Variants in CTNNA3 observed in about 807,000 individuals in gnomAD.
CTNNA3 encodes the protein catenin alpha 3, also known as catenin alpha-3.
Under a neutral mutation model 95.7 loss-of-function variants are expected in CTNNA3, and 76 were observed. The observed-to-expected ratio is 0.79, with a 90% CI of 0.66 to 0.96. The LOEUF (loss-of-function observed/expected upper bound fraction) is 0.96, where lower values mean the gene tolerates loss of function less well. Among genes scored for constraint, CTNNA3 ranks in the 40% least tolerant of loss-of-function variants. CTNNA3 has a pLI of 0.00. For missense variants in CTNNA3, 1,191 were observed against 1,089.8 expected, an observed-to-expected ratio of 1.09 and a Z score of -1.31; for synonymous variants, 431 against 374.4, an observed-to-expected ratio of 1.15 and a Z score of -1.74.
At chr10:66,394,333 G>A (rs2092957220) in intron 11 of CTNNA3, among the ~76,000 whole-genome samples, 2 of 151,892 alleles carry the variant, frequency 1.3e-5, no homozygotes, top group Non-Finnish European at 2.9e-5. Context: ...AGCTATTCTG[G>A]TGTAGGAGCT....
intron 1 of CTNNA3, among the ~76,000 whole-genome samples, chr10:67,726,353 TATATG>T (rs1470569030): frequency 3.8e-4 from 19 of 49,664 alleles, no homozygotes; most frequent in African/African-American, 1.4e-3. Flanking sequence ...ATATATGATA[TATATG>T]ATATAATATA....
At chr10:65,921,432 A>T (rs1390130865) in intron 17 of CTNNA3, among the ~76,000 whole-genome samples, 4 of 152,250 alleles carry the variant, frequency 2.6e-5, no homozygotes, top group Non-Finnish European at 5.9e-5. Context: ...TCAAAAAGAC[A>T]TGGTACATAT....
chr10:66,040,422 C>T lies in CTNNA3; in HGVS notation c.2159+28886G>A, dbSNP rs186519831. 3.3e-3 allele frequency among the ~76,000 whole-genome samples: 496 copies of T among 151,926 alleles called. 2 individuals carry two copies. Among genetic ancestry groups the T allele is most frequent in the African/African-American group, 0.012 (480 of 41,392 alleles). On this transcript the variant is annotated intron_variant, in intron 15 of 17. Coordinates refer to ENST00000433211, the MANE Select transcript of CTNNA3 (RefSeq NM_013266.4). ...AATTGTTCTATTGTAAAGATAGATGCACGTGTATGTTCATTGCAACACTAT... is the reference window on the plus strand; with the variant it reads ...AATTGTTCTATTGTAAAGATAGATGTACGTGTATGTTCATTGCAACACTAT...
chr10:66,665,002 C>T (rs936525395), intron 9 of CTNNA3, among the ~76,000 whole-genome samples: 24 of 151,510 alleles, frequency 1.6e-4, no homozygotes, highest in African/African-American at 5.1e-4. Context: ...ATACACAGAG[C>T]GGATAAAAAA....
intron 7 of CTNNA3, among the ~76,000 whole-genome samples, chr10:66,794,144 A>C (rs1841095362): frequency 6.6e-6 from 1 of 150,880 alleles, no homozygotes; most frequent in Non-Finnish European, 1.5e-5. Flanking sequence ...ACACAGAGGC[A>C]ACATGAAAAG....
chr10:67,539,593 T>C lies in CTNNA3; in HGVS notation c.369A>G (p.Gln123=), dbSNP rs1840603387. 1.9e-6 allele frequency: 3 copies of C among 1,613,884 alleles called. No individual in the cohort carries two copies. The highest frequency in any genetic ancestry group is 2.2e-5 in the South Asian group (2 of 91,084). Residue 123 remains glutamine, a synonymous_variant, in exon 4 of 18, where the codon CAA becomes CAG. Transcript: ENST00000433211. ...CFLPKREAVV[Q]AARALLAAVT... ...CCGCAGCCAGCAAGGCACGGGCAGCTTGAACCACAGCCTCCCTTTTTGGGA... is the reference window on the plus strand; with the variant it reads ...CCGCAGCCAGCAAGGCACGGGCAGCCTGAACCACAGCCTCCCTTTTTGGGA...
chr10:67,344,208 C>T (rs1187621242), intron 5 of CTNNA3, among the ~76,000 whole-genome samples: 2 of 151,744 alleles, frequency 1.3e-5, no homozygotes, highest in Non-Finnish European at 2.9e-5. Flanking sequence ...TGATGAATGA[C>T]CTTTTTAATT....
At chr10:66,611,049 G>C (rs1844312143) in intron 10 of CTNNA3, among the ~76,000 whole-genome samples, 1 of 152,040 alleles carries the variant, frequency 6.6e-6, no homozygotes, top group Non-Finnish European at 1.5e-5. Context: ...AAATAAGCTA[G>C]GCACAGAAAG....
intron 5 of CTNNA3, among the ~76,000 whole-genome samples, chr10:67,355,495 T>C (rs1168107126): frequency 2.0e-5 from 3 of 151,930 alleles, no homozygotes; most frequent in Non-Finnish European, 4.4e-5. Context: ...ACACAAATAA[T>C]TGATGATTGA....
At chr10:67,103,676 C>A (rs1858467551) in intron 7 of CTNNA3, among the ~76,000 whole-genome samples, 1 of 151,580 alleles carries the variant, frequency 6.6e-6, no homozygotes, top group Non-Finnish European at 1.5e-5. Flanking sequence ...TGTGCTCCTA[C>A]CCCCATCATA....
Position 67,345,518 on chromosome 10 carries a change from C to T in CTNNA3, c.580-125648G>A, listed in dbSNP as rs1202418848. Reference sequence around the variant, plus strand: ...TATCTGGGCGCTTCAGTGTTGGGTGCATATATATTTAAAATTGTTATATCC... The same window carrying T: ...TATCTGGGCGCTTCAGTGTTGGGTGTATATATATTTAAAATTGTTATATCC... On this transcript the variant is annotated intron_variant, in intron 5 of 17. Transcript: ENST00000433211. Among the ~76,000 whole-genome samples, 6 of 152,154 alleles carry T rather than the reference C, an allele frequency of 3.9e-5. No individual in the cohort carries two copies. In the East Asian group the frequency reaches 1.2e-3, roughly 29 times the overall value.
intron 10 of CTNNA3, among the ~76,000 whole-genome samples, chr10:66,559,600 C>T (rs932185917): frequency 6.6e-6 from 1 of 151,956 alleles, no homozygotes; most frequent in African/African-American, 2.4e-5. Flanking sequence ...TGGTGTACAA[C>T]ATTGAGTTTC....
intron 9 of CTNNA3, among the ~76,000 whole-genome samples, chr10:66,697,235 G>A (rs777192206): frequency 6.7e-6 from 1 of 149,064 alleles, no homozygotes; most frequent in Non-Finnish European, 1.5e-5. Flanking sequence ...ATTTATGTGT[G>A]TATATATATC....
chr10:66,845,719 A>C (rs866537642), intron 7 of CTNNA3, among the ~76,000 whole-genome samples: 33 of 73,228 alleles, frequency 4.5e-4, no homozygotes, highest in Admixed American at 8.0e-4. Context: ...AAAAAAAAAA[A>C]AAAAAAAAAA....
At chr10:66,771,187 C>T (rs971119170) in intron 8 of CTNNA3, among the ~76,000 whole-genome samples, 1 of 151,928 alleles carries the variant, frequency 6.6e-6, no homozygotes, top group African/African-American at 2.4e-5. Context: ...TACCAAAATC[C>T]CATTTGACAT....
chr10:66,344,276 G>A (rs1220199963), intron 12 of CTNNA3, among the ~76,000 whole-genome samples: 2 of 149,354 alleles, frequency 1.3e-5, no homozygotes, highest in African/African-American at 4.9e-5. Flanking sequence ...GTTGTTGTTT[G>A]TTTGTTTGAG....
intron 7 of CTNNA3, among the ~76,000 whole-genome samples, chr10:67,124,423 A>G (rs1219222123): frequency 7.5e-6 from 1 of 133,836 alleles, no homozygotes; most frequent in East Asian, 2.1e-4. Flanking sequence ...TTTACTCCCA[A>G]TCATAAACAA....
intron 10 of CTNNA3, among the ~76,000 whole-genome samples, chr10:66,554,418 AT>A (rs200353824): frequency 0.029 from 4,310 of 147,266 alleles, 215 homozygotes; most frequent in African/African-American, 0.099. Context: ...CTTAGTCATA[AT>A]TTTTAAAAAA....
chr10:67,238,541 C>T (rs1477337928), intron 5 of CTNNA3, among the ~76,000 whole-genome samples: 1 of 151,974 alleles, frequency 6.6e-6, no homozygotes, highest in Non-Finnish European at 1.5e-5. Flanking sequence ...TCATGGTCAT[C>T]ATACCTTAAG....
Sources: gnomAD v4.1 joint callset for allele counts (sites outside exome capture counted in the v4.1 genomes callset) on GRCh38, gnomAD v4.1.1 for gene constraint, MANE v1.5 for transcripts, NCBI Gene and HGNC (gene_info 2026-07-23, HGNC 2026-07-21) for gene names.